The following ADAMTSL1 variants were observed in gnomAD, a reference collection of about 807,000 sequenced individuals.
ADAMTSL1 encodes ADAMTS-like protein 1.
In ADAMTSL1, 126 loss-of-function variants were observed where a neutral mutation model predicts 201.8. The observed-to-expected ratio is 0.62, with a 90% CI of 0.54 to 0.72. The LOEUF is 0.72. Among genes scored for constraint, ADAMTSL1 ranks in the 30% least tolerant of loss-of-function variants. ADAMTSL1 has a pLI of 0.00. For missense variants in ADAMTSL1, 2,679 were observed against 2,277.8 expected (o/e 1.18, Z -3.59); for synonymous variants, 1,121 against 903.4 (o/e 1.24, Z -4.32).
intron 2 of ADAMTSL1, among the ~76,000 whole-genome samples, chr9:18,201,766 G>A (rs1829457283): frequency 6.6e-6 from 1 of 152,044 alleles, no homozygotes; most frequent in Non-Finnish European, 1.5e-5. Context: ...TCCTGCCTCT[G>A]CAACTTATTG....
chr9:18,777,512 C>T lies in ADAMTSL1; in HGVS notation c.3283C>T (p.Leu1095Phe), dbSNP rs1821121418. ...CCAGCAGCCCGAGGAGCTGCGCGAC[C>T]TCTACAGCAAGCACCTGGTGGCCCA... Reference protein sequence around the residue: ...LSQQPEELRDLYSKHLVAQLA... With the variant: ...LSQQPEELRDFYSKHLVAQLA... The change falls in exon 19 of 29, where the codon CTC becomes TTC. Residue 1095 changes from leucine to phenylalanine, a missense_variant. Coordinates refer to ENST00000380548, the MANE Select transcript of ADAMTSL1 (RefSeq NM_001040272.6). 6.2e-7 allele frequency: 1 copy of T among 1,600,012 alleles called. No homozygotes were observed.
intron 15 of ADAMTSL1, among the ~76,000 whole-genome samples, chr9:18,738,635 TG>T (rs1564194272): frequency 6.6e-6 from 1 of 152,174 alleles, no homozygotes; most frequent in Non-Finnish European, 1.5e-5. Flanking sequence ...TTTTCCTAGC[TG>T]GAAAAATAGA....
intron 13 of ADAMTSL1, among the ~76,000 whole-genome samples, chr9:18,695,705 C>T (rs985010803): frequency 2.6e-5 from 4 of 152,192 alleles, no homozygotes; most frequent in Admixed American, 1.3e-4. Context: ...CAAAGTTTCC[C>T]TGATCTTCCT....
Position 18,780,043 on chromosome 9 carries a change from C to T in ADAMTSL1, c.3677+2137C>T, listed in dbSNP as rs188910488. Among the ~76,000 whole-genome samples, 480 of 152,306 alleles carry T rather than the reference C, an allele frequency of 3.2e-3. 1 individual carries two copies. The highest frequency in any genetic ancestry group is 4.9e-3 in the African/African-American group (202 of 41,564). On this transcript the variant is annotated intron_variant, in intron 19 of 28. Transcript: ENST00000380548. The stretch of plus-strand genomic sequence containing the variant: ...ATGGGAAGGGGTCATCAGGACTCTG[C>T]TCAGCCTTTGCCTGCAGGGAGAACA...
intron 16 of ADAMTSL1, among the ~76,000 whole-genome samples, chr9:18,763,745 T>C (rs964591862): frequency 3.3e-4 from 50 of 152,306 alleles, no homozygotes; most frequent in African/African-American, 1.2e-3. Context: ...AGAAACTGTC[T>C]TTTCCCCAGT....
intron 1 of ADAMTSL1, among the ~76,000 whole-genome samples, chr9:18,142,209 AACAGCTGCTTCT>A (rs1176912072): frequency 1.3e-5 from 2 of 152,120 alleles, no homozygotes; most frequent in East Asian, 3.9e-4. Flanking sequence ...GTCTGGAGAG[AACAGCTGCTTCT>A]GTTGTTCCAT....
intron 1 of ADAMTSL1, among the ~76,000 whole-genome samples, chr9:18,083,613 G>T (rs1823612388): frequency 6.6e-6 from 1 of 152,206 alleles, no homozygotes; most frequent in Non-Finnish European, 1.5e-5. Context: ...ATGAAAGACA[G>T]ACTCACAGTC....
chr9:18,039,490 A>G (rs976461559), intron 1 of ADAMTSL1, among the ~76,000 whole-genome samples: 2 of 152,094 alleles, frequency 1.3e-5, no homozygotes, highest in East Asian at 1.9e-4. Flanking sequence ...TGAGTGTATT[A>G]TTGGTGTATT....
chr9:18,882,274 C>T (rs940967912), intron 23 of ADAMTSL1, among the ~76,000 whole-genome samples: 1 of 152,166 alleles, frequency 6.6e-6, no homozygotes, highest in Non-Finnish European at 1.5e-5. Context: ...AAAATCTCAT[C>T]AGCCTCACCA....
chr9:18,180,606 C>G (rs1346562163), intron 2 of ADAMTSL1, among the ~76,000 whole-genome samples: 1 of 148,342 alleles, frequency 6.7e-6, no homozygotes, highest in Non-Finnish European at 1.5e-5. Context: ...TCAAGGAGAA[C>G]TACAAACCAC....
Position 18,815,980 on chromosome 9 carries a change from T to C in ADAMTSL1, c.3806-1129T>C, listed in dbSNP as rs139440955. On this transcript the variant is annotated intron_variant, in intron 20 of 28. Transcript: ENST00000380548. ...TATTTGGCGTATCCAACACTTCTTA[T>C]ATTTATCATTTCTTTGTGGTCAGGA... Among the ~76,000 whole-genome samples the C allele has an allele frequency of 6.8e-3, 1,038 of 152,330 alleles. 7 individuals carry two copies. Among genetic ancestry groups the C allele is most frequent in the African/African-American group, 0.018 (767 of 41,574 alleles).
At chr9:18,011,208 C>T (rs1256362797) in intron 1 of ADAMTSL1, among the ~76,000 whole-genome samples, 1 of 151,922 alleles carries the variant, frequency 6.6e-6, no homozygotes, top group Non-Finnish European at 1.5e-5. Flanking sequence ...TCTTCTGTAA[C>T]CATGAAATTA....
In ADAMTSL1 at chr9:18,889,718, T is replaced by C; in HGVS notation, c.4613T>C (p.Ile1538Thr). 5 of 1,531,170 alleles carry C rather than the reference T, an allele frequency of 3.3e-6. No homozygotes were observed. Among genetic ancestry groups the C allele is most frequent in the Non-Finnish European group, 4.4e-6 (5 of 1,136,144 alleles). The allele number at this position is 1,531,170 out of a possible 1,614,324, so 94.8% of individuals were successfully genotyped here. ...AGKVRPAVQP[I>T]ACNRRDCPSR... ...AAGGTTCGCCCTGCGGTGCAGCCCA[T>C]CGCGTGCAACCGGAGAGACTGCCCT... Residue 1538 changes from isoleucine (I) to threonine (T), a missense_variant, in exon 25 of 29, where the codon ATC becomes ACC. Coordinates refer to ENST00000380548, the MANE Select transcript of ADAMTSL1 (RefSeq NM_001040272.6).
At chr9:18,650,660 C>T (rs1828182768) in intron 7 of ADAMTSL1, among the ~76,000 whole-genome samples, 1 of 152,150 alleles carries the variant, frequency 6.6e-6, no homozygotes, top group Non-Finnish European at 1.5e-5. Context: ...GCCCTTAGTT[C>T]TAAAATAATG....
At chr9:18,575,173 T>C (rs1044532528) in intron 4 of ADAMTSL1, among the ~76,000 whole-genome samples, 22 of 152,198 alleles carry the variant, frequency 1.4e-4, no homozygotes, top group African/African-American at 5.3e-4. Context: ...GTTTCAAATT[T>C]ATTTTTTTAA....
chr9:18,740,341 C>G (rs1381170738), intron 15 of ADAMTSL1, among the ~76,000 whole-genome samples: 2 of 152,030 alleles, frequency 1.3e-5, no homozygotes, highest in African/African-American at 4.8e-5. Flanking sequence ...AGCACCACTG[C>G]TTCCCAGTCT....
intron 2 of ADAMTSL1, among the ~76,000 whole-genome samples, chr9:18,373,717 C>G (rs1376170251): frequency 1.3e-5 from 2 of 152,138 alleles, no homozygotes; most frequent in African/African-American, 4.8e-5. Context: ...ATTCCCCAGG[C>G]TAATACAAAG....
intron 16 of ADAMTSL1, among the ~76,000 whole-genome samples, chr9:18,761,459 A>G (rs1367978089): frequency 6.6e-6 from 1 of 152,194 alleles, no homozygotes; most frequent in Non-Finnish European, 1.5e-5. Context: ...CAGCTGGTAT[A>G]AGCAATATAG....
chr9:18,423,605 A>C (rs1819062272), intron 2 of ADAMTSL1, among the ~76,000 whole-genome samples: 1 of 152,228 alleles, frequency 6.6e-6, no homozygotes, highest in South Asian at 2.1e-4. Context: ...TATTGTCCCT[A>C]CTAGCGAGGT....
Sources: gnomAD v4.1 joint callset for allele counts (sites outside exome capture counted in the v4.1 genomes callset) on GRCh38, gnomAD v4.1.1 for gene constraint, MANE v1.5 for transcripts, NCBI Gene and HGNC (gene_info 2026-07-23, HGNC 2026-07-21) for gene names.